Variants in SPATA13 observed in about 807,000 individuals in gnomAD.
SPATA13 encodes spermatogenesis associated 13.
Under a neutral mutation model 104.0 loss-of-function variants are expected in SPATA13, and 50 were observed. The observed-to-expected ratio is 0.48, with a 90% CI of 0.38 to 0.61. The LOEUF (loss-of-function observed/expected upper bound fraction) is 0.61. SPATA13 is among the 20% of genes least tolerant of loss of function. The pLI is 0.00. For missense variants in SPATA13, 1,524 were observed against 1,690.6 expected (o/e 0.90, Z 1.73); for synonymous variants, 606 against 667.5 (o/e 0.91, Z 1.42).
In SPATA13 at chr13:24,306,577, C is replaced by T. The variant is rs1405783675; in HGVS notation, c.*3804C>T. On this transcript the variant is annotated 3_prime_UTR_variant, in exon 13 of 13. Transcript: ENST00000382108. Reference sequence around the variant, plus strand: ...TTAAAGTCTCATTGTTTTCAGGATGCAATGAAAGTGGATTTCAAAAGGCTT... The same window carrying T: ...TTAAAGTCTCATTGTTTTCAGGATGTAATGAAAGTGGATTTCAAAAGGCTT... The T allele has an allele frequency of 6.6e-6, 1 of 151,692 alleles. No homozygotes were observed. Among genetic ancestry groups the T allele is most frequent in the African/African-American group, 2.4e-5 (1 of 41,258 alleles). 9.4% of individuals were successfully genotyped at this position (151,692 alleles called of 1,614,324 possible).
chr13:24,013,939 T>C (rs1306731022), intron 2 of SPATA13, among the ~76,000 whole-genome samples: 1 of 152,176 alleles, frequency 6.6e-6, no homozygotes, highest in East Asian at 1.9e-4. Flanking sequence ...GAGCCTGTTT[T>C]AAGCTGTTGT....
At chr13:24,165,129 T>C (rs1400365402) in intron 1 of SPATA13, among the ~76,000 whole-genome samples, 1 of 152,176 alleles carries the variant, frequency 6.6e-6, no homozygotes. Flanking sequence ...GGCTGTTGCT[T>C]CAGTGAACCA....
chr13:24,109,127 A>G lies in SPATA13; in HGVS notation c.-112+91426A>G, dbSNP rs113931844. Among the ~76,000 whole-genome samples, 89 of 152,104 alleles carry G rather than the reference A, an allele frequency of 5.9e-4. 2 individuals carry two copies. The highest frequency in any genetic ancestry group is 1.9e-3 in the African/African-American group (80 of 41,488). ...CTCTCCTTTTCCCGCACCCCACAAC[A>G]GGCCCTGATGTGTGATGTTCCCGCC... On this transcript the variant is annotated intron_variant, in intron 3 of 14. Coordinates refer to the SPATA13 transcript ENST00000424834.
chr13:24,179,631 C>A (rs371786317), intron 1 of SPATA13, among the ~76,000 whole-genome samples: 22 of 152,288 alleles, frequency 1.4e-4, no homozygotes, highest in African/African-American at 5.3e-4. Context: ...CAGCCCCTGG[C>A]AACCTCTATT....
At chr13:24,123,093 T>C in intron 3 of SPATA13, 3 of 986,320 alleles carry the variant, frequency 3.0e-6, no homozygotes, top group Non-Finnish European at 4.9e-6. Context: ...TTCTTCACTA[T>C]ATTCACAGAT....
chr13:24,042,893 C>T (rs8001002), intron 3 of SPATA13, among the ~76,000 whole-genome samples: 1 of 151,968 alleles, frequency 6.6e-6, no homozygotes, highest in Non-Finnish European at 1.5e-5. Flanking sequence ...GTTCCTCAGA[C>T]GCCTACTGTC....
At chr13:24,108,463 G>A (rs548685464) in intron 3 of SPATA13, among the ~76,000 whole-genome samples, 51 of 152,304 alleles carry the variant, frequency 3.3e-4, no homozygotes, top group African/African-American at 1.2e-3. Context: ...TTTGAGGAGT[G>A]CAGCCCTAGG....
At chr13:24,123,835 A>G in intron 3 of SPATA13, 2 of 798,114 alleles carry the variant, frequency 2.5e-6, no homozygotes, top group Non-Finnish European at 4.4e-6. Context: ...AAGGCAGTGA[A>G]GGCCCATTGG....
intron 1 of SPATA13, among the ~76,000 whole-genome samples, chr13:24,220,466 G>T (rs1871518310): frequency 6.6e-6 from 1 of 152,200 alleles, no homozygotes; most frequent in African/African-American, 2.4e-5. Flanking sequence ...TTCATTTCAT[G>T]ATTCTGAGAT....
rs575073550 is a variant in SPATA13, at chr13:24,188,176, A to T, written c.-112+27244A>T. Reference sequence around the variant, plus strand: ...GGCAACATGGTGAAACCCCATCTCTACTGAAATACAAAAAATTAGCTGGGC... The same window carrying T: ...GGCAACATGGTGAAACCCCATCTCTTCTGAAATACAAAAAATTAGCTGGGC... On this transcript the variant is annotated intron_variant, in intron 1 of 12. Transcript: ENST00000382108. Among the ~76,000 whole-genome samples, 321 of 152,148 alleles carry T rather than the reference A, an allele frequency of 2.1e-3. 2 individuals carry two copies. Among genetic ancestry groups the T allele is most frequent in the African/African-American group, 6.9e-3 (287 of 41,506 alleles).
chr13:24,176,744 A>C (rs1868458133), intron 1 of SPATA13, among the ~76,000 whole-genome samples: 1 of 152,160 alleles, frequency 6.6e-6, no homozygotes, highest in African/African-American at 2.4e-5. Context: ...GAAATGATTG[A>C]TTAGCTATTA....
chr13:24,115,590 G>A (rs185874463), intron 3 of SPATA13, among the ~76,000 whole-genome samples: 1 of 152,336 alleles, frequency 6.6e-6, no homozygotes, highest in Admixed American at 6.5e-5. Context: ...CATGTCCATG[G>A]AAAAATTGTC....
At chr13:23,999,334 C>G (rs1285923186) in intron 2 of SPATA13, among the ~76,000 whole-genome samples, 4 of 119,226 alleles carry the variant, frequency 3.4e-5, no homozygotes, top group Non-Finnish European at 4.9e-5. Context: ...CTTTGCATTT[C>G]CATGTGTTTT....
At chr13:24,278,528 T>C (rs1875185975) in intron 4 of SPATA13, 7 of 897,886 alleles carry the variant, frequency 7.8e-6, no homozygotes, top group Non-Finnish European at 1.1e-5. Flanking sequence ...TCCTCCTGCC[T>C]CAGTCTTCCA....
At chr13:24,251,235 C>A (rs1873459737) in intron 3 of SPATA13, among the ~76,000 whole-genome samples, 1 of 152,226 alleles carries the variant, frequency 6.6e-6, no homozygotes, top group East Asian at 1.9e-4. Flanking sequence ...GAGGGCTCAT[C>A]TATGCCAGGC....
chr13:24,190,898 G>A (rs9511122), intron 1 of SPATA13, among the ~76,000 whole-genome samples: 1 of 152,008 alleles, frequency 6.6e-6, no homozygotes, highest in South Asian at 2.1e-4. Flanking sequence ...AAACAGTATC[G>A]CATCCTGTAG....
intron 3 of SPATA13, among the ~76,000 whole-genome samples, chr13:24,144,682 C>T (rs574598327): frequency 8.5e-5 from 13 of 152,244 alleles, no homozygotes; most frequent in African/African-American, 1.7e-4. Context: ...CAGCAGCCAC[C>T]GAGAGAGGAT....
intron 3 of SPATA13, among the ~76,000 whole-genome samples, chr13:24,056,914 T>TC (rs1239801703): frequency 6.6e-6 from 1 of 151,668 alleles, no homozygotes; most frequent in East Asian, 1.9e-4. Context: ...CTTCTTTTTT[T>TC]TTTTTTTTCA....
chr13:24,271,021 A>ACTCTCTCT (rs35776484), intron 4 of SPATA13: 53 of 607,236 alleles, frequency 8.7e-5, no homozygotes, highest in African/African-American at 1.2e-4. Flanking sequence ...ACTCTCTCTC[A>ACTCTCTCT]CTCTCTCTCT....
Sources: allele counts gnomAD v4.1 joint callset (sites outside exome capture counted in the v4.1 genomes callset), GRCh38; gene constraint gnomAD v4.1.1; transcripts MANE v1.5; gene names NCBI Gene and HGNC (gene_info 2026-07-23, HGNC 2026-07-21).